Variants in ACTN4 observed in about 807,000 individuals in gnomAD.
ACTN4 encodes the protein actinin alpha 4.
Under a neutral mutation model 114.2 loss-of-function variants are expected in ACTN4, and 18 were observed. The observed-to-expected ratio is 0.16, with a 90% CI of 0.11 to 0.23. The LOEUF is 0.23. Ranked by LOEUF, ACTN4 falls within the 10% of genes least tolerant of loss-of-function variation. ACTN4 has a pLI of 1.00. For missense variants in ACTN4, 722 were observed against 1,262.9 expected (o/e 0.57, Z 6.49); for synonymous variants, 515 against 506.3 (o/e 1.02, Z -0.23).
Position 38,712,011 on chromosome 19 carries a change from C to T in ACTN4, c.819+1669C>T, listed in dbSNP as rs1216531616. Among the ~76,000 whole-genome samples the T allele has an allele frequency of 4.6e-5, 7 of 152,226 alleles. No homozygotes were observed. The East Asian group carries it at 1.2e-3, about 25-fold the overall frequency. ...CTTGTGGTCTCTGAAGTATCTCAGGCAGCATTCCCGATGCCTGCTTTGAAG... is the reference window on the plus strand; with the variant it reads ...CTTGTGGTCTCTGAAGTATCTCAGGTAGCATTCCCGATGCCTGCTTTGAAG... On this transcript the variant is annotated intron_variant, in intron 8 of 20. Coordinates refer to ENST00000252699, the MANE Select transcript of ACTN4 (RefSeq NM_004924.6).
At chr19:38,694,322 C>A (rs1026167435) in intron 1 of ACTN4, among the ~76,000 whole-genome samples, 2 of 151,602 alleles carry the variant, frequency 1.3e-5, no homozygotes, top group African/African-American at 4.8e-5. Context: ...TGCAGTGGCG[C>A]GATCTTGGCT....
intron 8 of ACTN4, chr19:38,711,192 T>C (rs1294490356): frequency 3.2e-6 from 2 of 626,854 alleles, no homozygotes; most frequent in Non-Finnish European, 4.0e-6. Context: ...TCCTCCTGCA[T>C]GAGCCTCAGG....
chr19:38,654,646 G>A (rs891873383), intron 1 of ACTN4, among the ~76,000 whole-genome samples: 1 of 152,068 alleles, frequency 6.6e-6, no homozygotes, highest in Non-Finnish European at 1.5e-5. Flanking sequence ...CAGTGCATGG[G>A]AAGTTTTATC....
chr19:38,660,889 G>T (rs1399110192), intron 1 of ACTN4, among the ~76,000 whole-genome samples: 1 of 152,184 alleles, frequency 6.6e-6, no homozygotes, highest in Non-Finnish European at 1.5e-5. Flanking sequence ...TTGCGAGCGG[G>T]TGGTGAGGGG....
intron 1 of ACTN4, among the ~76,000 whole-genome samples, chr19:38,671,202 C>T (rs927384972): frequency 3.3e-5 from 5 of 152,180 alleles, no homozygotes; most frequent in African/African-American, 1.2e-4. Context: ...CCGGACTCCT[C>T]CCCCTTTCCC....
chr19:38,653,081 A>G (rs1160458728), intron 1 of ACTN4, among the ~76,000 whole-genome samples: 1 of 108,126 alleles, frequency 9.2e-6, no homozygotes, highest in Non-Finnish European at 2.2e-5. Flanking sequence ...ACAAGACTCC[A>G]TCTCAAAAAA....
chr19:38,647,871 G>A lies in ACTN4; in HGVS notation c.126G>A (p.Leu42=). Residue 42 remains leucine, a synonymous_variant, in exon 1 of 21, where the codon CTG becomes CTA. Coordinates refer to ENST00000252699, the MANE Select transcript of ACTN4 (RefSeq NM_004924.6). ...MAQEDDWDRD[L]LLDPAWEKQQ... ...AGGAGGACGACTGGGACCGGGACCT[G>A]CTGCTGGACCCGGCCTGGGAGAAGC... 4 of 1,531,970 alleles carry A rather than the reference G, an allele frequency of 2.6e-6. No homozygotes were observed. The South Asian group carries it at 4.8e-5, about 19-fold the overall frequency. 94.9% of individuals were successfully genotyped at this position (1,531,970 alleles called of 1,614,324 possible).
At chr19:38,700,556 A>G in intron 1 of ACTN4, 44 bp from the exon 2 acceptor site, 1 of 1,545,360 alleles carries the variant, frequency 6.5e-7, no homozygotes, top group Non-Finnish European at 8.9e-7. Flanking sequence ...GAGCCCCGAC[A>G]GCCAGGCTGA....
At chr19:38,657,414 G>C (rs935554957) in intron 1 of ACTN4, among the ~76,000 whole-genome samples, 1 of 152,070 alleles carries the variant, frequency 6.6e-6, no homozygotes, top group Non-Finnish European at 1.5e-5. Flanking sequence ...AAGTGCTGGG[G>C]TTACAGGCAT....
intron 4 of ACTN4, among the ~76,000 whole-genome samples, 165 bp from the exon 5 acceptor site, chr19:38,705,879 G>T (rs1968442861): frequency 6.6e-6 from 1 of 152,236 alleles, no homozygotes; most frequent in African/African-American, 2.4e-5. Flanking sequence ...TCCGGAATGG[G>T]AGTGGCTGTC....
intron 8 of ACTN4, among the ~76,000 whole-genome samples, chr19:38,712,106 G>A (rs529991303): frequency 3.1e-4 from 47 of 152,320 alleles, no homozygotes; most frequent in Middle Eastern, 3.4e-3. Flanking sequence ...TGTACTACAC[G>A]CTAGGCACCC....
intron 5 of ACTN4, among the ~76,000 whole-genome samples, chr19:38,706,973 C>T (rs2145017761): frequency 6.6e-6 from 1 of 152,286 alleles, no homozygotes. Flanking sequence ...GGAGCACTGG[C>T]TCTGGGGGCG....
chr19:38,670,109 C>CAT (rs1481848706), intron 1 of ACTN4, among the ~76,000 whole-genome samples: 1 of 152,190 alleles, frequency 6.6e-6, no homozygotes, highest in Non-Finnish European at 1.5e-5. Context: ...CTTTCTCCTC[C>CAT]ATATGCCCCT....
intron 11 of ACTN4, among the ~76,000 whole-genome samples, chr19:38,720,373 G>A (rs1027641650): frequency 2.0e-5 from 3 of 152,234 alleles, no homozygotes; most frequent in African/African-American, 7.2e-5. Flanking sequence ...ACTCTGCGGA[G>A]GCAGAGGGAG....
intron 19 of ACTN4, 52 bp downstream of exon 19, chr19:38,728,078 T>A: frequency 6.5e-7 from 1 of 1,548,066 alleles, no homozygotes. Context: ...TCTCTCTCTC[T>A]CTCTCCTTCT....
At chr19:38,666,211 A>G (rs566920536) in intron 1 of ACTN4, among the ~76,000 whole-genome samples, 2 of 137,820 alleles carry the variant, frequency 1.5e-5, no homozygotes, top group African/African-American at 4.9e-5. Context: ...CCATTCTTCA[A>G]CTTCGCCCCT....
chr19:38,701,215 G>A, intron 3 of ACTN4, 94 bp downstream of exon 3: 1 of 1,587,248 alleles, frequency 6.3e-7, no homozygotes, highest in Non-Finnish European at 8.6e-7. Context: ...AGTTTTGTTG[G>A]TGGCAGGGCG....
chr19:38,673,699 ATT>A (rs1967270007), intron 1 of ACTN4, among the ~76,000 whole-genome samples: 1 of 61,484 alleles, frequency 1.6e-5, no homozygotes, highest in African/African-American at 5.6e-5. Flanking sequence ...TATTATATAT[ATT>A]TATATATTTA....
chr19:38,671,098 A>G (rs929863888), intron 1 of ACTN4, among the ~76,000 whole-genome samples: 2 of 152,008 alleles, frequency 1.3e-5, no homozygotes, highest in Admixed American at 1.3e-4. Context: ...GGAGCGAGAA[A>G]ATTGTACTTT....
Sources: allele counts gnomAD v4.1 joint callset (sites outside exome capture counted in the v4.1 genomes callset), GRCh38; gene constraint gnomAD v4.1.1; transcripts MANE v1.5; gene names NCBI Gene and HGNC (gene_info 2026-07-23, HGNC 2026-07-21).